Variants in MED13 observed in about 807,000 individuals in gnomAD.
MED13 encodes the protein mediator of RNA polymerase II transcription subunit 13.
MED13 carries 23 observed loss-of-function variants against 225.2 expected under a neutral mutation model. The observed-to-expected ratio is 0.10, with a 90% CI of 0.07 to 0.14. MED13 has a LOEUF of 0.14. Ranked by LOEUF, MED13 falls within the 10% of genes least tolerant of loss-of-function variation. MED13 has a pLI of 1.00. For synonymous variants in MED13, 942 were observed against 889.2 expected (o/e 1.06, Z -1.06); for missense variants, 2,197 against 2,594.5 (o/e 0.85, Z 3.33).
chr17:62,016,209 C>G (rs184893864), intron 8 of MED13, among the ~76,000 whole-genome samples: 1 of 148,282 alleles, frequency 6.7e-6, no homozygotes, highest in Non-Finnish European at 1.5e-5. Context: ...TCCTACCCAA[C>G]GTATGAATAA....
chr17:61,980,258 C>T (rs1603396237), intron 16 of MED13, among the ~76,000 whole-genome samples: 2 of 152,158 alleles, frequency 1.3e-5, no homozygotes, highest in East Asian at 3.9e-4. Context: ...TGGTTTTCCT[C>T]CAACCTCCTT....
chr17:62,002,464 G>T (rs997759467), intron 9 of MED13, among the ~76,000 whole-genome samples: 1 of 144,342 alleles, frequency 6.9e-6, no homozygotes, highest in African/African-American at 2.6e-5. Flanking sequence ...ACTCCAGCCC[G>T]GGCAACAAAA....
intron 8 of MED13, among the ~76,000 whole-genome samples, chr17:62,023,371 T>C (rs190558284): frequency 1.7e-4 from 26 of 152,316 alleles, no homozygotes; most frequent in African/African-American, 6.0e-4. Flanking sequence ...AGGGAGCTTC[T>C]ATGACTTCTA....
intron 6 of MED13, 55 bp downstream of exon 6, chr17:62,031,389 T>TA: frequency 1.5e-6 from 2 of 1,344,836 alleles, no homozygotes; most frequent in Non-Finnish European, 2.0e-6. Context: ...CTTAAGTACT[T>TA]ACTGTACACA....
intron 2 of MED13, 87 bp downstream of exon 2, chr17:62,062,976 AAAAC>A: frequency 1.0e-6 from 1 of 980,786 alleles, no homozygotes; most frequent in South Asian, 1.8e-5. Context: ...GTCTCCCACA[AAAAC>A]AAACTTAATT....
At chr17:62,039,134 C>T (rs900266001) in intron 3 of MED13, among the ~76,000 whole-genome samples, 8 of 152,172 alleles carry the variant, frequency 5.3e-5, no homozygotes, top group Non-Finnish European at 7.3e-5. Flanking sequence ...ACCCTATTTA[C>T]TAACAACACT....
chr17:61,983,379 A>G (rs1013157432), intron 15 of MED13, among the ~76,000 whole-genome samples: 4 of 152,156 alleles, frequency 2.6e-5, no homozygotes, highest in African/African-American at 7.2e-5. Context: ...CTAGACATCC[A>G]TATTTACTAT....
chr17:62,016,967 C>T (rs1031274686), intron 8 of MED13, among the ~76,000 whole-genome samples: 1 of 151,590 alleles, frequency 6.6e-6, no homozygotes, highest in East Asian at 1.9e-4. Flanking sequence ...GCCAAGATCA[C>T]GTCACTGCAC....
At chr17:61,998,319 C>T (rs765993631) in intron 9 of MED13, among the ~76,000 whole-genome samples, 1 of 152,278 alleles carries the variant, frequency 6.6e-6, no homozygotes, top group Non-Finnish European at 1.5e-5. Flanking sequence ...AGATCAGGTA[C>T]AGCCATGAAC....
At chr17:62,023,396 A>G (rs981893541) in intron 8 of MED13, among the ~76,000 whole-genome samples, 1 of 152,200 alleles carries the variant, frequency 6.6e-6, no homozygotes, top group Non-Finnish European at 1.5e-5. Flanking sequence ...TGAAAGGACA[A>G]TAAGATGATG....
chr17:61,948,250 T>C (rs2079867043), intron 28 of MED13, among the ~76,000 whole-genome samples: 1 of 152,174 alleles, frequency 6.6e-6, no homozygotes, highest in Non-Finnish European at 1.5e-5. Context: ...TGGTAAATTA[T>C]GCCTTAGGTG....
chr17:62,063,228 A>G lies in MED13; in HGVS notation c.140T>C (p.Val47Ala). Residue 47 changes from valine (V) to alanine (A), a missense_variant, in exon 2 of 30, where the codon GTG becomes GCG. Physicochemically the swap from Val to Ala is moderately conservative, Grantham distance 64 (BLOSUM62 0). Around this residue, in one of 12 missense-constraint regions of MED13, gnomAD observed 884 missense variants for 918.5 expected, o/e 0.96. Coordinates refer to ENST00000397786, the MANE Select transcript of MED13 (RefSeq NM_005121.3). ...GPTSAPILFPVTEEDPILSSF... is the reference protein window; with the variant it reads ...GPTSAPILFPATEEDPILSSF... The stretch of plus-strand genomic sequence containing the variant: ...GCTCAAAATGGGGTCTTCTTCTGTC[A>G]CAGGAAACAGAATAGGGGCAGAAGT... 1 of 1,614,168 alleles carries G rather than the reference A, an allele frequency of 6.2e-7. No homozygotes were observed. Among genetic ancestry groups the G allele is most frequent in the Non-Finnish European group, 8.5e-7 (1 of 1,180,024 alleles).
chr17:61,964,921 G>A, intron 20 of MED13, 85 bp downstream of exon 20: 1 of 1,278,944 alleles, frequency 7.8e-7, no homozygotes, highest in South Asian at 1.5e-5. Context: ...GCGCAAAAGA[G>A]TGAGACTGTG....
At position 61,952,930 on chromosome 17, in the gene MED13, C is replaced by T. The variant is rs75718238; in HGVS notation, c.6117+35G>A. 4.0e-4 allele frequency: 643 copies of T among 1,599,876 alleles called. 1 individual carries two copies. The African/African-American group carries it at 7.3e-3, about 18-fold the overall frequency. The stretch of plus-strand genomic sequence containing the variant: ...GATTTTAGGCGTAAGCCACTGCGCC[C>T]GGCCGAGAAAAACTAAAACTTGTAA... On this transcript the variant is annotated intron_variant, in intron 27 of 29. Transcript: ENST00000397786.
intron 6 of MED13, 89 bp from the exon 7 acceptor site, chr17:62,030,102 A>T: frequency 8.8e-7 from 1 of 1,131,728 alleles, no homozygotes; most frequent in Non-Finnish European, 1.2e-6. Flanking sequence ...TTGTGATACA[A>T]GCTGCTCCAG....
At chr17:62,042,321 T>TG (rs1235131952) in intron 3 of MED13, among the ~76,000 whole-genome samples, 2 of 152,036 alleles carry the variant, frequency 1.3e-5, no homozygotes, top group East Asian at 1.9e-4. Flanking sequence ...CCCAACACTT[T>TG]GGGAGGCCAA....
At chr17:62,009,263 C>G (rs1472005337) in intron 9 of MED13, among the ~76,000 whole-genome samples, 1 of 152,078 alleles carries the variant, frequency 6.6e-6, no homozygotes, top group East Asian at 1.9e-4. Flanking sequence ...TGGAAAAAAG[C>G]CTTCTTCTGC....
chr17:61,953,436 G>A (rs528237606), intron 26 of MED13, among the ~76,000 whole-genome samples: 34 of 152,276 alleles, frequency 2.2e-4, no homozygotes, highest in Non-Finnish European at 3.8e-4. Context: ...TGGATTATCC[G>A]GGTGGGTCCA....
At chr17:61,985,250 A>G (rs1389785965) in intron 12 of MED13, among the ~76,000 whole-genome samples, 160 bp from the exon 13 acceptor site, 1 of 152,218 alleles carries the variant, frequency 6.6e-6, no homozygotes, top group Non-Finnish European at 1.5e-5. Context: ...AAGATATAAA[A>G]TATTTCTTAA....
Sources: allele counts gnomAD v4.1 joint callset (sites outside exome capture counted in the v4.1 genomes callset), GRCh38; gene constraint gnomAD v4.1.1; regional missense constraint gnomAD v4.1.1; transcripts MANE v1.5; gene names NCBI Gene and HGNC (gene_info 2026-07-23, HGNC 2026-07-21).